Variants in RBFOX2 observed in about 807,000 individuals in gnomAD.
The protein encoded by RBFOX2 is RNA binding protein fox-1 homolog 2.
Under a neutral mutation model 49.1 loss-of-function variants are expected in RBFOX2, and 10 were observed. The observed-to-expected ratio is 0.20, with a 90% confidence interval of 0.13 to 0.35. The LOEUF (loss-of-function observed/expected upper bound fraction) is 0.35, where lower values mean the gene tolerates loss of function less well. Among genes scored for constraint, RBFOX2 ranks in the 10% least tolerant of loss-of-function variants. The probability of loss-of-function intolerance (pLI) is 1.00; values close to 1 mark genes in which losing one functional copy is unlikely to be tolerated. For missense variants in RBFOX2, 323 were observed against 486.9 expected, an observed-to-expected ratio of 0.66 and a Z score of 3.17; for synonymous variants, 183 against 187.4, an observed-to-expected ratio of 0.98 and a Z score of 0.19.
chr22:35,822,452 T>C (rs1954731873), intron 1 of RBFOX2, among the ~76,000 whole-genome samples: 1 of 152,228 alleles, frequency 6.6e-6, no homozygotes, highest in Non-Finnish European at 1.5e-5. Flanking sequence ...TTTTGTTTTT[T>C]CTGGTCTCTT....
chr22:35,761,038 A>G (rs1938618334), intron 8 of RBFOX2, among the ~76,000 whole-genome samples, 164 bp downstream of exon 9: 1 of 152,088 alleles, frequency 6.6e-6, no homozygotes. Flanking sequence ...GGTCAGGAAA[A>G]TTCTAGCACA....
chr22:35,771,069 C>T (rs1366339815), intron 4 of RBFOX2, among the ~76,000 whole-genome samples: 1 of 152,104 alleles, frequency 6.6e-6, no homozygotes, highest in Non-Finnish European at 1.5e-5. Flanking sequence ...GATAAACAGA[C>T]TTTGCAATAG....
At chr22:35,821,884 T>A (rs566230110) in intron 1 of RBFOX2, 1 of 518,834 alleles carries the variant, frequency 1.9e-6, no homozygotes, top group East Asian at 5.4e-5. Flanking sequence ...TGGCAAACTT[T>A]GACCAAAAGG....
intron 1 of RBFOX2, chr22:35,824,477 A>C (rs1256051269): frequency 6.6e-6 from 1 of 152,236 alleles, no homozygotes; most frequent in Non-Finnish European, 1.5e-5. Context: ...TCCTTCAATC[A>C]GGAATGGCAA....
At chr22:35,874,333 A>G (rs1373338235) in intron 1 of RBFOX2, among the ~76,000 whole-genome samples, 3 of 150,808 alleles carry the variant, frequency 2.0e-5, no homozygotes, top group Non-Finnish European at 4.4e-5. Flanking sequence ...TGTTGAGCGG[A>G]AAAAAAAAAT....
At chr22:35,885,919 C>A (rs1205148051) in intron 1 of RBFOX2, among the ~76,000 whole-genome samples, 1 of 136,366 alleles carries the variant, frequency 7.3e-6, no homozygotes, top group Admixed American at 7.9e-5. Context: ...TGCAGTGGCA[C>A]GATCTGGGCT....
intron 1 of RBFOX2, among the ~76,000 whole-genome samples, chr22:35,913,505 G>GTA (rs1158363821): frequency 0.014 from 2,013 of 148,186 alleles, 138 homozygotes; most frequent in African/African-American, 0.047. Flanking sequence ...GTGTGTGTGT[G>GTA]TATACATATA....
exon 12 of RBFOX2, chr22:35,744,146 G>T: frequency 6.9e-7 from 1 of 1,456,256 alleles, no homozygotes. Flanking sequence ...AGTAAATATT[G>T]CAATAGCCAG....
Position 35,776,881 on chromosome 22 carries a change from C to CTTT in RBFOX2, c.453+1141_453+1143dup, listed in dbSNP as rs60841537. ...GTGCAAATATTCAGTTCATCAAATACTTTTTTTTTTTTTCACAACACCACT... is the reference window on the plus strand; with the variant it reads ...GTGCAAATATTCAGTTCATCAAATACTTTTTTTTTTTTTTTTCACAACACCACT... On this transcript the variant is annotated intron_variant, in intron 4 of 11. Transcript: ENST00000405409. Among the ~76,000 whole-genome samples, 12 of 145,402 alleles carry CTTT rather than the reference C, an allele frequency of 8.3e-5. No homozygotes were observed. The South Asian group carries it at 2.4e-3, about 29-fold the overall frequency.
upstream of RBFOX2, among the ~76,000 whole-genome samples, chr22:35,842,840 G>A (rs1185132183): frequency 1.3e-5 from 2 of 152,114 alleles, no homozygotes; most frequent in African/African-American, 4.8e-5. Context: ...AAGGGCAAAT[G>A]AGGGGTCCCC....
intron 1 of RBFOX2, among the ~76,000 whole-genome samples, chr22:35,888,279 C>A (rs2046836620): frequency 6.6e-6 from 1 of 152,140 alleles, no homozygotes; most frequent in South Asian, 2.1e-4. Flanking sequence ...CTATTTTATA[C>A]CTTGCTTCAC....
intron 1 of RBFOX2, among the ~76,000 whole-genome samples, chr22:36,013,741 A>G (rs763557053): frequency 6.6e-6 from 1 of 152,158 alleles, no homozygotes; most frequent in Non-Finnish European, 1.5e-5. Flanking sequence ...AAATGGAGAA[A>G]AGCAAGGAGC....
chr22:35,784,536 C>G (rs1945956193), intron 2 of RBFOX2, among the ~76,000 whole-genome samples: 1 of 152,246 alleles, frequency 6.6e-6, no homozygotes, highest in South Asian at 2.1e-4. Context: ...GGGAGGCAGG[C>G]AGGCAGTCAG....
At chr22:35,756,739 T>TA (rs1389482222) in intron 9 of RBFOX2, among the ~76,000 whole-genome samples, 1 of 152,168 alleles carries the variant, frequency 6.6e-6, no homozygotes, top group African/African-American at 2.4e-5. Context: ...AGACATGCGA[T>TA]AAGATTTGGC....
chr22:35,978,376 A>G (rs2057300189), intron 1 of RBFOX2, among the ~76,000 whole-genome samples: 1 of 152,240 alleles, frequency 6.6e-6, no homozygotes, highest in South Asian at 2.1e-4. Flanking sequence ...GTGTTTATGT[A>G]CATATGTATG....
At chr22:36,028,553 T>C (rs967172840) in exon 1 of RBFOX2, 117 of 861,844 alleles carry the variant, frequency 1.4e-4, no homozygotes, top group South Asian at 2.1e-4. Flanking sequence ...CGTGCGTGCG[T>C]GCGCGCGAGC....
chr22:35,936,962 G>A (rs537513789), intron 1 of RBFOX2, among the ~76,000 whole-genome samples: 55 of 152,224 alleles, frequency 3.6e-4, no homozygotes, highest in African/African-American at 1.2e-3. Context: ...AAATAATAAA[G>A]TAACTGCATT....
intron 1 of RBFOX2, among the ~76,000 whole-genome samples, chr22:35,868,880 A>G (rs570528422): frequency 6.6e-6 from 1 of 152,358 alleles, no homozygotes; most frequent in South Asian, 2.1e-4. Context: ...TGTTCCATTT[A>G]AACACACCTA....
In RBFOX2 at chr22:35,858,775, G is replaced by T. The variant is rs145865607; in HGVS notation, c.-33-48771C>A. ...CGGGAGGCGGAGGTGGCAGTGAACC[G>T]AGATCGTGCCACTGCACTCCAGCCT... On this transcript the variant is annotated intron_variant, in intron 1 of 13. Transcript: ENST00000359369. 9.3e-3 allele frequency among the ~76,000 whole-genome samples: 1,367 copies of T among 147,232 alleles called. 20 individuals carry two copies. Among genetic ancestry groups the T allele is most frequent in the African/African-American group, 0.033 (1,313 of 39,552 alleles).
Sources: gnomAD v4.1 joint callset for allele counts (sites outside exome capture counted in the v4.1 genomes callset) on GRCh38, gnomAD v4.1.1 for gene constraint, MANE v1.5 for transcripts, NCBI Gene and HGNC (gene_info 2026-07-23, HGNC 2026-07-21) for gene names.